Variants in TSC22D1 observed in about 807,000 individuals in gnomAD.
The protein encoded by TSC22D1 is TSC22 domain family protein 1.
In TSC22D1, 9 loss-of-function variants were observed where a neutral mutation model predicts 74.2. The ratio of observed to expected loss-of-function variants is 0.12; its 90% CI spans 0.07 to 0.21. The LOEUF (loss-of-function observed/expected upper bound fraction) is 0.21, where lower values mean the gene tolerates loss of function less well. Among genes scored for constraint, TSC22D1 ranks in the 10% least tolerant of loss-of-function variants. TSC22D1 has a pLI of 1.00. For missense variants in TSC22D1, 1,427 were observed against 1,304.7 expected, an observed-to-expected ratio of 1.09 and a Z score of -1.44; for synonymous variants, 586 against 492.5, an observed-to-expected ratio of 1.19 and a Z score of -2.51.
chr13:44,555,762 G>T (rs952024537), intron 1 of TSC22D1, among the ~76,000 whole-genome samples: 1 of 150,444 alleles, frequency 6.6e-6, no homozygotes, highest in African/African-American at 2.4e-5. Context: ...AAAAAAAAAA[G>T]TATGAAATGC....
At chr13:44,541,842 G>C (rs1285836726) in intron 1 of TSC22D1, among the ~76,000 whole-genome samples, 1 of 152,036 alleles carries the variant, frequency 6.6e-6, no homozygotes, top group African/African-American at 2.4e-5. Context: ...GAGGAAAAAG[G>C]CTTAAAATCA....
chr13:44,538,300 TTATAA>T (rs1274926207), intron 1 of TSC22D1: 46 of 985,232 alleles, frequency 4.7e-5, no homozygotes, highest in Non-Finnish European at 5.5e-5. Flanking sequence ...GATTTGACAA[TTATAA>T]TAAGCCTCAA....
At chr13:44,512,646 G>A (rs1246056084) in intron 1 of TSC22D1, among the ~76,000 whole-genome samples, 2 of 135,392 alleles carry the variant, frequency 1.5e-5, no homozygotes, top group South Asian at 2.4e-4. Flanking sequence ...GAATTCCTTA[G>A]TAAAAGCAAT....
intron 1 of TSC22D1, among the ~76,000 whole-genome samples, chr13:44,475,788 A>G (rs144611424): frequency 3.9e-5 from 6 of 152,322 alleles, no homozygotes; most frequent in South Asian, 2.1e-4. Flanking sequence ...AATCAATATA[A>G]TAGTGAAAAA....
rs773007742 is a variant in TSC22D1 at position 44,434,677 on chromosome 13, G to A, written c.3171C>T (p.Thr1057=). 12 of 1,606,928 alleles carry A rather than the reference G, an allele frequency of 7.5e-6. No individual in the cohort carries two copies. The Admixed American group carries it at 2.0e-4, about 27-fold the overall frequency. The change falls in exon 3 of 3, where the codon ACC becomes ACT. Residue 1057 remains threonine (T), a synonymous_variant. Coordinates refer to ENST00000458659, the MANE Select transcript of TSC22D1 (RefSeq NM_183422.4). ...ATGCTGGCTGGGCGGGGGGCTGTGT[G>A]GTGCCCTGTGGCTGGGTGGTGGCAG... ...SPPATTQPQG[T]TQPPAQPASQ...
chr13:44,556,874 T>G (rs1882676706), intron 1 of TSC22D1, among the ~76,000 whole-genome samples: 1 of 152,034 alleles, frequency 6.6e-6, no homozygotes, highest in South Asian at 2.1e-4. Flanking sequence ...CCGAGCATGG[T>G]GTCTCACACC....
chr13:44,477,664 C>T (rs868226353), intron 1 of TSC22D1, among the ~76,000 whole-genome samples: 43 of 130,032 alleles, frequency 3.3e-4, no homozygotes, highest in African/African-American at 1.0e-3. Context: ...TTTTTTGAGA[C>T]GGAGTCTTGC....
chr13:44,540,080 G>T (rs1011306070), intron 1 of TSC22D1: 1 of 422,184 alleles, frequency 2.4e-6, no homozygotes, highest in Non-Finnish European at 4.2e-6. Flanking sequence ...AATTTTAGAA[G>T]TCTGTCACCA....
chr13:44,559,962 G>C (rs1882930252), intron 1 of TSC22D1, among the ~76,000 whole-genome samples: 1 of 152,056 alleles, frequency 6.6e-6, no homozygotes, highest in Non-Finnish European at 1.5e-5. Context: ...AAAGTGCTGG[G>C]ATTACAGGTG....
intron 1 of TSC22D1, among the ~76,000 whole-genome samples, chr13:44,529,074 T>C (rs944624223): frequency 1.3e-5 from 2 of 152,084 alleles, no homozygotes; most frequent in Non-Finnish European, 2.9e-5. Context: ...CAGTAAACAA[T>C]TCCTAGCTCA....
At chr13:44,549,745 G>C (rs1030714602) in intron 1 of TSC22D1, among the ~76,000 whole-genome samples, 2 of 142,032 alleles carry the variant, frequency 1.4e-5, no homozygotes, top group Admixed American at 7.2e-5. Flanking sequence ...CCAGCCTGGG[G>C]AACAGGGCCA....
At position 44,574,229 on chromosome 13, in the gene TSC22D1, T is replaced by C. The variant is rs755151259; in HGVS notation, c.1846A>G (p.Thr616Ala). 6 of 1,614,100 alleles carry C rather than the reference T, an allele frequency of 3.7e-6. No homozygotes were observed. The highest frequency in any genetic ancestry group is 3.4e-6 in the Non-Finnish European group (4 of 1,180,020). The change falls in exon 1 of 3, where the codon ACT (threonine) becomes GCT (alanine). Residue 616 changes from threonine to alanine, a missense_variant. Thr to Ala is a moderately conservative substitution (Grantham distance 58). This residue lies in a region of TSC22D1 where 1,343 missense variants were observed against 1,191.5 expected (regional missense o/e 1.13). Transcript: ENST00000458659. ...PYSQAAPPVQTPLPGAPPPQQ... is the reference protein window; with the variant it reads ...PYSQAAPPVQAPLPGAPPPQQ... ...GGTGGTGGTGCCCCTGGAAGGGGAG[T>C]TTGCACTGGAGGAGCCGCCTGAGAA...
intron 1 of TSC22D1, among the ~76,000 whole-genome samples, chr13:44,519,663 G>A (rs1233440260): frequency 2.6e-5 from 4 of 152,046 alleles, no homozygotes; most frequent in African/African-American, 4.8e-5. Flanking sequence ...AAATTAATTG[G>A]AAGCCAATAT....
chr13:44,441,816 T>C (rs931578519), intron 1 of TSC22D1, among the ~76,000 whole-genome samples: 3 of 152,178 alleles, frequency 2.0e-5, no homozygotes, highest in African/African-American at 7.2e-5. Context: ...GAAAGGTTTA[T>C]AGGGATCTGC....
chr13:44,536,859 C>CT (rs1881154626), intron 1 of TSC22D1: 1 of 976,638 alleles, frequency 1.0e-6, no homozygotes, highest in South Asian at 4.8e-5. Context: ...AACAGATCAC[C>CT]TATTTCATAC....
intron 1 of TSC22D1, among the ~76,000 whole-genome samples, chr13:44,469,479 A>G (rs1877474756): frequency 6.6e-6 from 1 of 152,040 alleles, no homozygotes; most frequent in Admixed American, 6.5e-5. Context: ...AATATGTAGG[A>G]GGATGTTCTT....
At chr13:44,435,903 G>A (rs998525407) in intron 2 of TSC22D1, 141 bp downstream of exon 2, 1 of 925,296 alleles carries the variant, frequency 1.1e-6, no homozygotes. Flanking sequence ...CACGCTGGCC[G>A]AATGGAGACA....
intron 1 of TSC22D1, among the ~76,000 whole-genome samples, chr13:44,510,352 A>G (rs1317116239): frequency 6.6e-6 from 1 of 152,084 alleles, no homozygotes; most frequent in Non-Finnish European, 1.5e-5. Context: ...AGATTGCGCC[A>G]GTGCACTCCA....
chr13:44,507,512 G>A (rs1030699757), intron 1 of TSC22D1, among the ~76,000 whole-genome samples: 4 of 151,496 alleles, frequency 2.6e-5, no homozygotes, highest in African/African-American at 9.7e-5. Flanking sequence ...ATGTATTGAT[G>A]CTAGCCCCCT....
Sources: gnomAD v4.1 joint callset for allele counts (sites outside exome capture counted in the v4.1 genomes callset) on GRCh38, gnomAD v4.1.1 for gene constraint, gnomAD v4.1.1 regional missense constraint, MANE v1.5 for transcripts, NCBI Gene and HGNC (gene_info 2026-07-23, HGNC 2026-07-21) for gene names.